ENG: variants seen among roughly 807,000 people sequenced by gnomAD.
ENG encodes the protein endoglin.
ENG carries 17 observed loss-of-function variants against 71.0 expected under a neutral mutation model. The observed-to-expected ratio is 0.24, with a 90% CI of 0.16 to 0.36. The LOEUF (loss-of-function observed/expected upper bound fraction) is 0.36, where lower values mean the gene tolerates loss of function less well. Ranked by LOEUF, ENG falls within the 10% of genes least tolerant of loss-of-function variation. ENG has a pLI of 1.00. For missense variants in ENG, 749 were observed against 868.3 expected, an observed-to-expected ratio of 0.86 and a Z score of 1.73; for synonymous variants, 360 against 366.9, an observed-to-expected ratio of 0.98 and a Z score of 0.21.
chr9:127,851,107 A>G (rs770947478), intron 1 of ENG, among the ~76,000 whole-genome samples: 1 of 152,234 alleles, frequency 6.6e-6, no homozygotes, highest in Non-Finnish European at 1.5e-5. Flanking sequence ...TACCTGTATC[A>G]ATAAAGGAGT....
At chr9:127,823,238 C>T (rs12115267) in intron 8 of ENG, among the ~76,000 whole-genome samples, 15 of 151,960 alleles carry the variant, frequency 9.9e-5, no homozygotes, top group African/African-American at 3.6e-4. Context: ...CTCCGCCTCC[C>T]GGGTTCAGGC....
chr9:127,844,067 G>A (rs1245821477), intron 1 of ENG, among the ~76,000 whole-genome samples: 4 of 148,784 alleles, frequency 2.7e-5, no homozygotes, highest in Admixed American at 6.7e-5. Flanking sequence ...CACCGTGCCC[G>A]GCCAGCCTCC....
At chr9:127,820,765 T>C (rs1340257271) in intron 8 of ENG, among the ~76,000 whole-genome samples, 1 of 149,166 alleles carries the variant, frequency 6.7e-6, no homozygotes, top group Non-Finnish European at 1.5e-5. Flanking sequence ...GGAGGCGGAG[T>C]TTGCAGTGAG....
At chr9:127,831,211 A>T (rs1262108122) in intron 2 of ENG, among the ~76,000 whole-genome samples, 1 of 145,194 alleles carries the variant, frequency 6.9e-6, no homozygotes, top group Non-Finnish European at 1.5e-5. Context: ...TCCAGACTGG[A>T]GTGCAGTGAT....
intron 1 of ENG, among the ~76,000 whole-genome samples, chr9:127,852,573 A>G (rs1046441031): frequency 6.6e-6 from 1 of 152,158 alleles, no homozygotes; most frequent in African/African-American, 2.4e-5. Context: ...TGGCTGTTAC[A>G]TAGCTATTAC....
At position 127,836,544 on chromosome 9, in the gene ENG, G is replaced by A. The variant is rs1047830347; in HGVS notation, c.219+6550C>T. ...TCAGATTGGAGCCAGCCGTCCCTCT[G>A]TCCACCCCAGAAAACTCAGATGGTC... On this transcript the variant is annotated intron_variant, in intron 2 of 14. Transcript: ENST00000373203. The surrounding 1 kb of genome is among the most constrained non-coding windows in gnomAD (Gnocchi z 4.0). Among the ~76,000 whole-genome samples the A allele has an allele frequency of 3.3e-5, 5 of 152,212 alleles. No homozygotes were observed. The highest frequency in any genetic ancestry group is 2.9e-5 in the Non-Finnish European group (2 of 68,040).
Position 127,819,666 on chromosome 9 carries a change from G to T in ENG, c.1273-6C>A. 6.2e-7 allele frequency: 1 copy of T among 1,608,272 alleles called. No homozygotes were observed. On this transcript the variant is annotated splice_region_variant and splice_polypyrimidine_tract_variant and intron_variant, in intron 9 of 14. Coordinates refer to ENST00000373203, the MANE Select transcript of ENG (RefSeq NM_001114753.3). ...GACAGGATATTGACCACCGCCTGCG[G>T]GGATAAAGCCAGGGAGCTGGTCAGA...
At chr9:127,848,211 C>T (rs1831216998) in intron 1 of ENG, among the ~76,000 whole-genome samples, 1 of 152,124 alleles carries the variant, frequency 6.6e-6, no homozygotes, top group African/African-American at 2.4e-5. Flanking sequence ...GTGGGCTCTT[C>T]CCCTAAACAC....
chr9:127,824,318 TC>T lies in ENG; in HGVS notation c.1119del (p.Glu375SerfsTer6). The T allele has an allele frequency of 6.2e-7, 1 of 1,613,918 alleles. No homozygotes were observed. Among genetic ancestry groups the T allele is most frequent in the Non-Finnish European group, 8.5e-7 (1 of 1,179,958 alleles). ...AGTTCCCTTACCGCAACAAGCTCTT[TC>T]TTTAGTACCAGGGTCATGGCGTCGT... ...CADDAMTLVLKKELVAHLKCT... is the reference protein window; with the variant it reads ...CADDAMTLVLXKELVAHLKCT... On this transcript the variant is annotated frameshift_variant, in exon 8 of 15. Transcript: ENST00000373203. LOFTEE classifies it high-confidence loss of function.
At chr9:127,819,410 C>T (rs886235444) in intron 10 of ENG, 24 of 622,190 alleles carry the variant, frequency 3.9e-5, no homozygotes, top group African/African-American at 7.4e-5. Context: ...GGCCACACAG[C>T]CAGTATGTGC....
intron 1 of ENG, chr9:127,847,057 A>C: frequency 1.8e-6 from 1 of 557,106 alleles, no homozygotes; most frequent in Non-Finnish European, 2.3e-6. Context: ...TCTGAGCCTC[A>C]GTTTCCCCAT....
chr9:127,822,669 ATACAT>A (rs1271725099), intron 8 of ENG: 4 of 152,188 alleles, frequency 2.6e-5, no homozygotes, highest in Non-Finnish European at 4.4e-5. Context: ...AGCTCTAAAA[ATACAT>A]TAAGTGAAAT....
intron 7 of ENG, 39 bp downstream of exon 7, chr9:127,824,761 G>A: frequency 7.0e-7 from 1 of 1,426,722 alleles, no homozygotes; most frequent in South Asian, 1.4e-5. Flanking sequence ...TGATCCAAGG[G>A]AGGGGAAGGG....
At chr9:127,835,473 C>T (rs1830878584) in intron 2 of ENG, among the ~76,000 whole-genome samples, 1 of 152,066 alleles carries the variant, frequency 6.6e-6, no homozygotes, top group Admixed American at 6.6e-5. Flanking sequence ...AAGGCCCACA[C>T]GATGAAGAGA....
intron 11 of ENG, 98 bp downstream of exon 11, chr9:127,818,618 C>G: frequency 6.9e-7 from 1 of 1,455,316 alleles, no homozygotes; most frequent in Non-Finnish European, 9.6e-7. Flanking sequence ...CCTCCTGACT[C>G]TGGGAGTCTC....
chr9:127,817,252 C>G (rs763003226), intron 12 of ENG, 49 bp from the exon 13 acceptor site: 6 of 1,602,410 alleles, frequency 3.7e-6, no homozygotes, highest in Non-Finnish European at 5.1e-6. Context: ...GAGGCGGCTT[C>G]CAGGTTTACT....
Position 127,817,209 on chromosome 9 carries a change from G to A in ENG, c.1687-6C>T, listed in dbSNP as rs1564452077. ...AAGACAGTCCTATGGACTTCCTGGA[G>A]GAGAAAGAGAGAGCAGTATGTGGCA... On this transcript the variant is annotated splice_region_variant and splice_polypyrimidine_tract_variant and intron_variant, in intron 12 of 14. Transcript: ENST00000373203. 1.9e-6 allele frequency: 3 copies of A among 1,614,180 alleles called. No individual in the cohort carries two copies. The highest frequency in any genetic ancestry group is 2.2e-5 in the South Asian group (2 of 91,086).
intron 2 of ENG, among the ~76,000 whole-genome samples, chr9:127,837,898 C>A (rs988058831): frequency 1.3e-3 from 194 of 152,268 alleles, no homozygotes; most frequent in African/African-American, 4.5e-3. Flanking sequence ...CCTGCTCAGC[C>A]TGTCTGACCC....
In ENG at chr9:127,854,515, G is replaced by A; in HGVS notation, c.-160C>T. The A allele has an allele frequency of 1.4e-6, 1 of 710,282 alleles. No individual in the cohort carries two copies. The highest frequency in any genetic ancestry group is 2.8e-5 in the East Asian group (1 of 35,586). 44.0% of individuals were successfully genotyped at this position (710,282 alleles called of 1,614,324 possible). On this transcript the variant is annotated 5_prime_UTR_variant, in exon 1 of 15. Transcript: ENST00000373203. ...TCCAGCCTTCTGGGGTGGCGGCCGA[G>A]GGGTCAGGAGAAGTGGACACAGGGA... is the stretch of plus-strand genomic sequence containing the variant.
Sources: allele counts gnomAD v4.1 joint callset (sites outside exome capture counted in the v4.1 genomes callset), GRCh38; gene constraint gnomAD v4.1.1; non-coding constraint Gnocchi (gnomAD v3.1); transcripts MANE v1.5; gene names NCBI Gene and HGNC (gene_info 2026-07-23, HGNC 2026-07-21).